The following RBFOX1 variants were observed in gnomAD, a reference collection of about 807,000 sequenced individuals.
The protein encoded by RBFOX1 is RNA binding fox-1 homolog 1, also known as RNA binding protein fox-1 homolog 1.
Under a neutral mutation model 57.7 loss-of-function variants are expected in RBFOX1, and 8 were observed. The ratio of observed to expected loss-of-function variants is 0.14; its 90% CI spans 0.08 to 0.25. The LOEUF (loss-of-function observed/expected upper bound fraction) is 0.25, where lower values mean the gene tolerates loss of function less well. Ranked by LOEUF, RBFOX1 falls within the 10% of genes least tolerant of loss-of-function variation. The pLI, the probability that RBFOX1 is intolerant of heterozygous loss-of-function variation, is 1.00. For synonymous variants in RBFOX1, 326 were observed against 222.4 expected, an observed-to-expected ratio of 1.47 and a Z score of -4.15; for missense variants, 611 against 548.5, an observed-to-expected ratio of 1.11 and a Z score of -1.14.
intron 2 of RBFOX1, among the ~76,000 whole-genome samples, chr16:5,507,359 T>C (rs566155464): frequency 2.6e-4 from 39 of 152,140 alleles, no homozygotes; most frequent in African/African-American, 8.7e-4. Flanking sequence ...CGAGGAGGGA[T>C]TGTCTTGGCT....
chr16:6,206,758 A>G (rs1422393909), intron 1 of RBFOX1, among the ~76,000 whole-genome samples: 1 of 152,186 alleles, frequency 6.6e-6, no homozygotes, highest in South Asian at 2.1e-4. Flanking sequence ...TATTAATACC[A>G]GAAGGTGCAG....
At chr16:7,107,160 C>A (rs2063765654) in intron 4 of RBFOX1, among the ~76,000 whole-genome samples, 1 of 152,072 alleles carries the variant, frequency 6.6e-6, no homozygotes, top group Non-Finnish European at 1.5e-5. Context: ...CCAGGGAGAA[C>A]AGAAAGTGCA....
chr16:5,304,826 T>C (rs547181828), intron 1 of RBFOX1, among the ~76,000 whole-genome samples: 4 of 100,266 alleles, frequency 4.0e-5, no homozygotes, highest in Non-Finnish European at 7.1e-5. Flanking sequence ...GTTAGCCATA[T>C]AAAGTGATTT....
intron 4 of RBFOX1, among the ~76,000 whole-genome samples, chr16:7,255,999 C>CT (rs1176881156): frequency 6.6e-6 from 1 of 152,150 alleles, no homozygotes; most frequent in Non-Finnish European, 1.5e-5. Context: ...TTATTGTCTC[C>CT]TTTTGTCTTA....
chr16:6,475,070 T>G (rs1049875805), intron 2 of RBFOX1, among the ~76,000 whole-genome samples: 1 of 152,216 alleles, frequency 6.6e-6, no homozygotes, highest in Non-Finnish European at 1.5e-5. Context: ...TTATAATGTT[T>G]TAGTTCTATA....
intron 4 of RBFOX1, among the ~76,000 whole-genome samples, chr16:7,061,022 C>CTGTGTGTT (rs1555834688): frequency 6.6e-6 from 1 of 150,520 alleles, no homozygotes; most frequent in Non-Finnish European, 1.5e-5. Context: ...GTATGTTCTC[C>CTGTGTGTT]TGTGTGTGTG....
chr16:5,409,747 C>T (rs903181989), intron 1 of RBFOX1, among the ~76,000 whole-genome samples: 5 of 152,094 alleles, frequency 3.3e-5, no homozygotes. Flanking sequence ...ATTCCAGTCT[C>T]TTAAAAATCA....
chr16:5,520,183 G>A (rs1291746548), intron 2 of RBFOX1, among the ~76,000 whole-genome samples: 1 of 152,152 alleles, frequency 6.6e-6, no homozygotes, highest in East Asian at 1.9e-4. Context: ...GGAGAGAGAT[G>A]AGTGAAGGAG....
chr16:7,317,676 C>T (rs1457242739), intron 4 of RBFOX1, among the ~76,000 whole-genome samples: 1 of 152,158 alleles, frequency 6.6e-6, no homozygotes, highest in Non-Finnish European at 1.5e-5. Flanking sequence ...CTGCCTCCAG[C>T]CACAGGAGTA....
chr16:6,567,671 A>G lies in RBFOX1; in HGVS notation c.-63-86932A>G, dbSNP rs148453237. The stretch of plus-strand genomic sequence containing the variant: ...AGCACTACACCAGTGCCTGGCACCC[A>G]GTAGATATTCTGAAATGTCAGTGGA... On this transcript the variant is annotated intron_variant, in intron 2 of 15. Transcript: ENST00000550418. Among the ~76,000 whole-genome samples, 418 of 152,260 alleles carry G rather than the reference A, an allele frequency of 2.7e-3. 1 individual carries two copies. Among genetic ancestry groups the G allele is most frequent in the Middle Eastern group, 0.01 (3 of 294 alleles).
chr16:7,350,876 T>A (rs1289906847), intron 4 of RBFOX1, among the ~76,000 whole-genome samples: 3 of 152,194 alleles, frequency 2.0e-5, no homozygotes, highest in Non-Finnish European at 4.4e-5. Context: ...TTCAGGGGAC[T>A]GTAGTATGTG....
At chr16:6,942,590 G>A (rs1260179991) in intron 3 of RBFOX1, among the ~76,000 whole-genome samples, 1 of 152,152 alleles carries the variant, frequency 6.6e-6, no homozygotes, top group African/African-American at 2.4e-5. Context: ...AAGTGATTGG[G>A]TGATCAAGAC....
At chr16:5,334,461 C>T (rs2064845791) in intron 1 of RBFOX1, among the ~76,000 whole-genome samples, 1 of 151,836 alleles carries the variant, frequency 6.6e-6, no homozygotes, top group Non-Finnish European at 1.5e-5. Flanking sequence ...TGTCTCAGGT[C>T]CATATCTTTT....
intron 1 of RBFOX1, among the ~76,000 whole-genome samples, chr16:5,394,204 A>G (rs1040126864): frequency 1.3e-5 from 2 of 151,970 alleles, no homozygotes; most frequent in African/African-American, 4.8e-5. Flanking sequence ...TTGTATTTTT[A>G]GTAGAGACAG....
At chr16:6,793,000 G>T (rs1333676313) in intron 3 of RBFOX1, among the ~76,000 whole-genome samples, 2 of 151,372 alleles carry the variant, frequency 1.3e-5, no homozygotes, top group African/African-American at 4.9e-5. Flanking sequence ...CTGCACTGCA[G>T]GCTGGGCGAC....
At chr16:6,867,072 A>G (rs2060071295) in intron 3 of RBFOX1, among the ~76,000 whole-genome samples, 1 of 151,936 alleles carries the variant, frequency 6.6e-6, no homozygotes. Context: ...TGTATTTAAA[A>G]ATTTCATTCT....
At chr16:6,223,643 T>G (rs1470491910) in intron 1 of RBFOX1, among the ~76,000 whole-genome samples, 1 of 152,168 alleles carries the variant, frequency 6.6e-6, no homozygotes, top group African/African-American at 2.4e-5. Context: ...TTCTCCCATT[T>G]TGTAGGTCGC....
intron 1 of RBFOX1, among the ~76,000 whole-genome samples, chr16:5,251,563 T>G (rs1433946236): frequency 1.3e-5 from 2 of 152,086 alleles, no homozygotes; most frequent in Non-Finnish European, 2.9e-5. Flanking sequence ...AGGAAAGAAG[T>G]GGGGCTTCTC....
At chr16:6,838,222 C>A (rs999790933) in intron 3 of RBFOX1, among the ~76,000 whole-genome samples, 2 of 152,000 alleles carry the variant, frequency 1.3e-5, no homozygotes, top group Non-Finnish European at 2.9e-5. Context: ...TGTTCCCTTC[C>A]CTGTGTCCAT....
Sources: gnomAD v4.1 joint callset for allele counts (sites outside exome capture counted in the v4.1 genomes callset) on GRCh38, gnomAD v4.1.1 for gene constraint, MANE v1.5 for transcripts, NCBI Gene and HGNC (gene_info 2026-07-23, HGNC 2026-07-21) for gene names.